Variants in ZNF226 observed in about 807,000 individuals in gnomAD.
ZNF226 encodes the protein zinc finger protein 226.
A neutral mutation model predicts 11.4 loss-of-function variants in ZNF226; 6 were observed. The observed-to-expected ratio is 0.53, with a 90% CI of 0.29 to 1.04. The LOEUF (loss-of-function observed/expected upper bound fraction) is 1.04, where lower values mean the gene tolerates loss of function less well. Ranked by LOEUF, ZNF226 falls within the 50% of genes least tolerant of loss-of-function variation. The probability of loss-of-function intolerance (pLI) is 0.08; values close to 1 mark genes in which losing one functional copy is unlikely to be tolerated. For synonymous variants in ZNF226, 350 were observed against 322.8 expected, an observed-to-expected ratio of 1.08 and a Z score of -0.90; for missense variants, 1,058 against 956.5, an observed-to-expected ratio of 1.11 and a Z score of -1.40.
chr19:44,175,686 AT>A lies in ZNF226; in HGVS notation c.427del (p.Ser143LeufsTer7), dbSNP rs1000031956. On this transcript the variant is annotated frameshift_variant, in exon 6 of 6. Coordinates refer to ENST00000337433, the MANE Select transcript of ZNF226 (RefSeq NM_001032373.2). LOFTEE classifies it low-confidence loss of function (END_TRUNC). ...GGTAGGGACAGAACTGTCTATTCAA[AT>A]TTCTGAAGATGAGAACTATATAGTA... is the stretch of plus-strand genomic sequence containing the variant. ...YQVGTELSIQ[I>X]SEDENYIVNK... 5 of 1,612,596 alleles carry A rather than the reference AT, an allele frequency of 3.1e-6. No homozygotes were observed. The African/African-American group carries it at 6.7e-5, about 22-fold the overall frequency.
Position 44,177,204 on chromosome 19 carries a change from T to A in ZNF226, c.1942T>A (p.Cys648Ser). 1 of 1,613,866 alleles carries A rather than the reference T, an allele frequency of 6.2e-7. No individual in the cohort carries two copies. The highest frequency in any genetic ancestry group is 8.5e-7 in the Non-Finnish European group (1 of 1,179,972). Residue 648 changes from cysteine (C) to serine (S), a missense_variant, in exon 6 of 6, where the codon TGT (cysteine) becomes AGT (serine). Cys to Ser is a moderately radical substitution (Grantham distance 112). Coordinates refer to ENST00000337433, the MANE Select transcript of ZNF226 (RefSeq NM_001032373.2). ...SGEKPFKCEE[C>S]GKSFGRSAHL... is the part of the protein sequence containing the mutation. Reference sequence around the variant, plus strand: ...AGAAAAACCATTCAAATGTGAAGAATGTGGGAAGAGTTTCGGTCGGAGTGC... The same window carrying A: ...AGAAAAACCATTCAAATGTGAAGAAAGTGGGAAGAGTTTCGGTCGGAGTGC...
intron 3 of ZNF226, among the ~76,000 whole-genome samples, chr19:44,170,513 G>C (rs1019338801): frequency 3.9e-5 from 6 of 152,052 alleles, no homozygotes; most frequent in Non-Finnish European, 7.4e-5. Flanking sequence ...GAGGCGGGTG[G>C]ATCACAAGGT....
At chr19:44,191,481 A>AT in the ZNF226 span, among the ~76,000 whole-genome samples, 2 of 152,192 alleles carry the variant, frequency 1.3e-5, no homozygotes. Context: ...ATTATTTGAC[A>AT]TTGATTCCCA....
chr19:44,199,109 A>G, the ZNF226 span, among the ~76,000 whole-genome samples: 13 of 152,208 alleles, frequency 8.5e-5, no homozygotes, highest in Admixed American at 3.3e-4. Flanking sequence ...GCCTAATGTA[A>G]CTTTTCTTAA....
chr19:44,179,617 C>A (rs1055685061), downstream of ZNF226, among the ~76,000 whole-genome samples: 1 of 152,014 alleles, frequency 6.6e-6, no homozygotes, highest in Non-Finnish European at 1.5e-5. Context: ...AATGTAATTC[C>A]AGTAGTAGGA....
the ZNF226 span, among the ~76,000 whole-genome samples, chr19:44,183,758 T>C: frequency 1.3e-5 from 2 of 152,234 alleles, no homozygotes; most frequent in Non-Finnish European, 2.9e-5. Flanking sequence ...GATGTGGTTT[T>C]ATTTCTACAG....
chr19:44,168,945 T>G (rs910368233), intron 2 of ZNF226, among the ~76,000 whole-genome samples: 2 of 151,938 alleles, frequency 1.3e-5, no homozygotes, highest in Non-Finnish European at 1.5e-5. Flanking sequence ...ACCCATTTAT[T>G]TATTACACAT....
At chr19:44,193,326 C>T in the ZNF226 span, among the ~76,000 whole-genome samples, 1 of 151,628 alleles carries the variant, frequency 6.6e-6, no homozygotes, top group African/African-American at 2.4e-5. Context: ...AAATTGTAGT[C>T]AAGAAACTGT....
rs1233758853 is a variant in ZNF226, at chr19:44,176,946, G to C, written c.1684G>C (p.Glu562Gln). 1.2e-6 allele frequency: 2 copies of C among 1,613,970 alleles called. No homozygotes were observed. The highest frequency in any genetic ancestry group is 1.7e-6 in the Non-Finnish European group (2 of 1,179,882). ...CAGTATAGAGAAACCTTTTAAGTGT[G>C]AGGAGTGTGGGCAGGGTTTCAATCA... ...AHSIEKPFKCEECGQGFNQSS... is the reference protein window; with the variant it reads ...AHSIEKPFKCQECGQGFNQSS... Residue 562 changes from glutamate to glutamine, a missense_variant, in exon 6 of 6, where the codon GAG (glutamate) becomes CAG (glutamine). By Grantham distance (29) the Glu-to-Gln change is conservative (BLOSUM62 2). Transcript: ENST00000337433.
downstream of ZNF226, among the ~76,000 whole-genome samples, chr19:44,179,511 A>G (rs183379105): frequency 2.4e-4 from 37 of 152,340 alleles, 1 homozygote; most frequent in African/African-American, 7.9e-4. Context: ...TGGTGGTTCA[A>G]AGATACAGAT....
chr19:44,183,327 T>G (rs1278151380), downstream of ZNF226, among the ~76,000 whole-genome samples: 1 of 152,194 alleles, frequency 6.6e-6, no homozygotes, highest in Non-Finnish European at 1.5e-5. Flanking sequence ...GAACTCATCC[T>G]CTGATTATTT....
intron 2 of ZNF226, chr19:44,167,727 T>TTGTTA (rs556646951): frequency 6.6e-6 from 1 of 152,340 alleles, no homozygotes; most frequent in Admixed American, 6.5e-5. Flanking sequence ...TTACGTTTGT[T>TTGTTA]TGTTATGTTA....
chr19:44,190,884 A>T, the ZNF226 span, among the ~76,000 whole-genome samples: 1 of 152,242 alleles, frequency 6.6e-6, no homozygotes, highest in Non-Finnish European at 1.5e-5. Flanking sequence ...AAATAGAAAA[A>T]AATAAATATT....
chr19:44,196,233 CA>C, the ZNF226 span, among the ~76,000 whole-genome samples: 1 of 152,138 alleles, frequency 6.6e-6, no homozygotes, highest in African/African-American at 2.4e-5. Flanking sequence ...GCAACCTCAC[CA>C]GAAGATGAGC....
chr19:44,173,006 T>G (rs752232002), intron 5 of ZNF226, 54 bp downstream of exon 5: 93 of 1,507,528 alleles, frequency 6.2e-5, no homozygotes, highest in East Asian at 1.7e-4. Context: ...CTGCTTTGCT[T>G]CTTCTTAGCC....
chr19:44,177,574 C>G lies in ZNF226; in HGVS notation c.2312C>G (p.Thr771Arg), dbSNP rs192169263. The G allele has an allele frequency of 1.2e-5, 19 of 1,613,852 alleles. No individual in the cohort carries two copies. The highest frequency in any genetic ancestry group is 1.4e-5 in the Non-Finnish European group (16 of 1,179,896). The part of the protein sequence containing the change: ...GKSFSWRSNL[T>R]VHHRIHVGDK... ...AGCTTCAGTTGGCGATCAAATCTTA[C>G]AGTTCATCACAGAATCCATGTTGGT... Residue 771 changes from threonine (T) to arginine (R), a missense_variant, in exon 6 of 6, where the codon ACA becomes AGA. Coordinates refer to ENST00000337433, the MANE Select transcript of ZNF226 (RefSeq NM_001032373.2).
At chr19:44,179,376 A>G (rs1970872876), downstream of ZNF226, among the ~76,000 whole-genome samples, 1 of 152,204 alleles carries the variant, frequency 6.6e-6, no homozygotes, top group Admixed American at 6.5e-5. Context: ...ACATAGTAAA[A>G]ATATAATTTA....
the ZNF226 span, among the ~76,000 whole-genome samples, chr19:44,198,870 T>A: frequency 6.6e-6 from 1 of 152,180 alleles, no homozygotes; most frequent in Non-Finnish European, 1.5e-5. Context: ...AGTGGTGCGA[T>A]CTCGGCTCAC....
intron 2 of ZNF226, chr19:44,167,032 A>G (rs776531996): frequency 1.2e-4 from 18 of 152,172 alleles, no homozygotes; most frequent in Admixed American, 4.6e-4. Flanking sequence ...TTTCTTTCCC[A>G]CTAAATATTA....
Sources: gnomAD v4.1 joint callset for allele counts (sites outside exome capture counted in the v4.1 genomes callset) on GRCh38, gnomAD v4.1.1 for gene constraint, MANE v1.5 for transcripts, NCBI Gene and HGNC (gene_info 2026-07-23, HGNC 2026-07-21) for gene names.